CDH4: variants seen among roughly 807,000 people sequenced by gnomAD.
CDH4 encodes the protein cadherin-4.
Under a neutral mutation model 86.0 loss-of-function variants are expected in CDH4, and 33 were observed. The observed-to-expected ratio is 0.38, with a 90% CI of 0.29 to 0.51. The LOEUF is 0.51. Ranked by LOEUF, CDH4 falls within the 20% of genes least tolerant of loss-of-function variation. The probability of loss-of-function intolerance (pLI) is 0.86; values close to 1 mark genes in which losing one functional copy is unlikely to be tolerated. For synonymous variants in CDH4, 555 were observed against 549.4 expected, an observed-to-expected ratio of 1.01 and a Z score of -0.14; for missense variants, 1,114 against 1,307.4, an observed-to-expected ratio of 0.85 and a Z score of 2.28.
intron 2 of CDH4, among the ~76,000 whole-genome samples, chr20:61,701,739 C>T (rs1271446326): frequency 6.6e-6 from 1 of 152,258 alleles, no homozygotes; most frequent in Non-Finnish European, 1.5e-5. Context: ...GTTCGGCTCA[C>T]GCGGGGATCT....
intron 2 of CDH4, among the ~76,000 whole-genome samples, chr20:61,271,395 A>G (rs542602542): frequency 2.0e-5 from 3 of 152,300 alleles, no homozygotes; most frequent in Non-Finnish European, 4.4e-5. Context: ...GCCCATTGAC[A>G]ATGGCGCTCC....
At chr20:61,571,116 C>T (rs116490279) in intron 2 of CDH4, among the ~76,000 whole-genome samples, 4,679 of 152,214 alleles carry the variant, frequency 0.031, 215 homozygotes, top group African/African-American at 0.098. Context: ...CTCGGCGTGG[C>T]TGTGTGAATA....
At chr20:61,459,933 G>A (rs567229134) in intron 2 of CDH4, among the ~76,000 whole-genome samples, 27 of 151,988 alleles carry the variant, frequency 1.8e-4, no homozygotes, top group South Asian at 1.3e-3. Context: ...ATAAAGCTCC[G>A]CAAGCTGACC....
intron 2 of CDH4, among the ~76,000 whole-genome samples, chr20:61,376,939 G>GTTCCTGAGTCAAAAGCCTGCTT (rs2084876001): frequency 6.6e-6 from 1 of 152,214 alleles, no homozygotes; most frequent in East Asian, 1.9e-4. Flanking sequence ...GATGGGCACA[G>GTTCCTGAGTCAAAAGCCTGCTT]TTCCTGAGTC....
At chr20:61,848,403 G>A (rs774538495) in intron 5 of CDH4, among the ~76,000 whole-genome samples, 4 of 152,172 alleles carry the variant, frequency 2.6e-5, no homozygotes, top group Non-Finnish European at 4.4e-5. Context: ...ACAGGGTCTC[G>A]CTCTGTCACT....
intron 2 of CDH4, among the ~76,000 whole-genome samples, chr20:61,615,984 C>T (rs1002609017): frequency 1.3e-5 from 2 of 152,180 alleles, no homozygotes; most frequent in Admixed American, 1.3e-4. Flanking sequence ...GTGAAGGCCA[C>T]GCGATGGCCA....
chr20:61,266,247 T>G (rs919148317), intron 2 of CDH4, among the ~76,000 whole-genome samples: 11 of 152,072 alleles, frequency 7.2e-5, no homozygotes, highest in African/African-American at 2.4e-4. Flanking sequence ...ATGGGTGCAT[T>G]TTCCATATGG....
intron 2 of CDH4, among the ~76,000 whole-genome samples, chr20:61,407,845 AGCCAG>A (rs1442751893): frequency 5.3e-5 from 8 of 152,186 alleles, no homozygotes; most frequent in African/African-American, 1.9e-4. Context: ...GAGCGAAGGA[AGCCAG>A]GCACAAGGGG....
At chr20:61,654,133 C>T (rs2087160797) in intron 2 of CDH4, among the ~76,000 whole-genome samples, 1 of 152,126 alleles carries the variant, frequency 6.6e-6, no homozygotes, top group African/African-American at 2.4e-5. Context: ...AGCCTGGGCA[C>T]CATTGAGCAC....
chr20:61,809,489 G>A (rs566247970), intron 4 of CDH4, among the ~76,000 whole-genome samples: 1 of 152,292 alleles, frequency 6.6e-6, no homozygotes, highest in Admixed American at 6.5e-5. Context: ...AAAGATCAAA[G>A]TCCCAGTATG....
At chr20:61,425,396 A>G (rs7260743) in intron 2 of CDH4, among the ~76,000 whole-genome samples, 26,337 of 150,544 alleles carry the variant, frequency 0.17, 2,696 homozygotes, top group Non-Finnish European at 0.22. Context: ...GCAGCGGTGG[A>G]GGGGCGGGCC....
At chr20:61,293,816 G>A (rs1270136615) in intron 2 of CDH4, among the ~76,000 whole-genome samples, 2 of 152,204 alleles carry the variant, frequency 1.3e-5, no homozygotes, top group East Asian at 3.9e-4. Context: ...TGCCCAGAGT[G>A]CCTGCTTCTT....
At chr20:61,620,171 T>TGGATGGATGGATGGAC (rs2086759401) in intron 2 of CDH4, among the ~76,000 whole-genome samples, 3 of 57,954 alleles carry the variant, frequency 5.2e-5, no homozygotes, top group African/African-American at 1.2e-4. Flanking sequence ...GATGGATGGA[T>TGGATGGATGGATGGAC]GGATGGGTGG....
chr20:61,357,146 A>T (rs1019564873), intron 2 of CDH4, among the ~76,000 whole-genome samples: 1 of 152,202 alleles, frequency 6.6e-6, no homozygotes, highest in Non-Finnish European at 1.5e-5. Context: ...ATACACTGCT[A>T]GGAAGTTCCT....
At chr20:61,571,659 A>G (rs2086342576) in intron 2 of CDH4, among the ~76,000 whole-genome samples, 1 of 152,090 alleles carries the variant, frequency 6.6e-6, no homozygotes, top group African/African-American at 2.4e-5. Flanking sequence ...AGGACCTTCT[A>G]TAGGAGCTGA....
At chr20:61,677,954 A>C (rs771664975) in intron 2 of CDH4, among the ~76,000 whole-genome samples, 2 of 152,160 alleles carry the variant, frequency 1.3e-5, no homozygotes, top group Admixed American at 1.3e-4. Flanking sequence ...GGAATGGATG[A>C]TAGATAATAA....
At chr20:61,701,186 T>C (rs2087772358) in intron 2 of CDH4, among the ~76,000 whole-genome samples, 1 of 151,984 alleles carries the variant, frequency 6.6e-6, no homozygotes, top group Admixed American at 6.6e-5. Context: ...TGTGCCCAAG[T>C]CTCCAGTTTT....
rs757956730 is a variant in CDH4 at position 61,913,950 on chromosome 20, C to T, written c.1374+3343C>T. 1.1e-4 allele frequency among the ~76,000 whole-genome samples: 16 copies of T among 152,336 alleles called. 1 individual carries two copies. The highest frequency in any genetic ancestry group is 6.8e-3 in the Middle Eastern group (2 of 294). On this transcript the variant is annotated intron_variant, in intron 9 of 15. Transcript: ENST00000614565. ...GCCATCAGGGTCTCCTGTCCAGCTC[C>T]ACCCTCTCCTTGTCAGGCCTCTGTC...
At chr20:61,321,126 C>T (rs1476740022) in intron 2 of CDH4, among the ~76,000 whole-genome samples, 1 of 152,222 alleles carries the variant, frequency 6.6e-6, no homozygotes, top group African/African-American at 2.4e-5. Context: ...ACATTTCCAC[C>T]TCGAGAGCGC....
Sources: allele counts gnomAD v4.1 joint callset (sites outside exome capture counted in the v4.1 genomes callset), GRCh38; gene constraint gnomAD v4.1.1; transcripts MANE v1.5; gene names NCBI Gene and HGNC (gene_info 2026-07-23, HGNC 2026-07-21).